PIEZO2: variants seen among roughly 807,000 people sequenced by gnomAD.
PIEZO2 encodes piezo-type mechanosensitive ion channel component 2.
In PIEZO2, 172 loss-of-function variants were observed where a neutral mutation model predicts 337.3. The observed-to-expected ratio is 0.51, with a 90% CI of 0.45 to 0.58. PIEZO2 has a LOEUF of 0.58. Ranked by LOEUF, PIEZO2 falls within the 20% of genes least tolerant of loss-of-function variation. The probability of loss-of-function intolerance (pLI) is 0.00; values close to 1 mark genes in which losing one functional copy is unlikely to be tolerated. For missense variants in PIEZO2, 3,028 were observed against 3,391.3 expected (o/e 0.89, Z 2.66); for synonymous variants, 1,251 against 1,228.5 (o/e 1.02, Z -0.38).
Position 10,736,598 on chromosome 18 carries a change from A to T in PIEZO2, c.4815+6T>A. ...CTAGCAAAGAAATGATTTTCCCCAT[A>T]ATTACCTGGAATGCTGACCTTCGTG... On this transcript the variant is annotated splice_donor_region_variant and intron_variant, in intron 34 of 55. Coordinates refer to ENST00000674853, the MANE Select transcript of PIEZO2 (RefSeq NM_001378183.1). 6.5e-7 allele frequency: 1 copy of T among 1,536,742 alleles called. No individual in the cohort carries two copies. Among genetic ancestry groups the T allele is most frequent in the East Asian group, 2.4e-5 (1 of 40,890 alleles).
chr18:10,987,511 A>C (rs1221612991), intron 2 of PIEZO2, among the ~76,000 whole-genome samples: 1 of 152,138 alleles, frequency 6.6e-6, no homozygotes, highest in Non-Finnish European at 1.5e-5. Flanking sequence ...TACCATGTAC[A>C]AAATAATAAA....
intron 36 of PIEZO2, chr18:10,725,586 C>A (rs1261585009): frequency 3.0e-6 from 4 of 1,350,586 alleles, no homozygotes; most frequent in Non-Finnish European, 2.0e-6. Flanking sequence ...GAGGTCGGGG[C>A]TTTCCCTTCC....
chr18:10,803,128 T>C (rs1425590908), intron 9 of PIEZO2, among the ~76,000 whole-genome samples: 1 of 152,182 alleles, frequency 6.6e-6, no homozygotes, highest in African/African-American at 2.4e-5. Flanking sequence ...TCTGCTACAT[T>C]AAAACCCATT....
Position 11,110,783 on chromosome 18 carries a change from G to A in PIEZO2, c.64+37742C>T, listed in dbSNP as rs1028756474. Among the ~76,000 whole-genome samples the A allele has an allele frequency of 1.4e-4, 22 of 151,892 alleles. No individual in the cohort carries two copies. Among genetic ancestry groups the A allele is most frequent in the African/African-American group, 4.1e-4 (17 of 41,302 alleles). ...GCAGGCAGCTCTGGCCCACGTGTGC[G>A]TTTCCTTTGGAACACACAGTATTGA... On this transcript the variant is annotated intron_variant, in intron 1 of 55. Transcript: ENST00000674853. This position sits in a 1 kb window ranked among gnomAD's most constrained non-coding sequence, Gnocchi z 4.2.
intron 1 of PIEZO2, among the ~76,000 whole-genome samples, chr18:11,088,086 T>C (rs1406829601): frequency 6.6e-6 from 1 of 152,244 alleles, no homozygotes; most frequent in East Asian, 1.9e-4. Context: ...TAGGCAGACC[T>C]CAATGTATAC....
chr18:10,986,705 G>A (rs192286727), intron 2 of PIEZO2, among the ~76,000 whole-genome samples: 6 of 152,056 alleles, frequency 3.9e-5, no homozygotes, highest in Admixed American at 1.3e-4. Flanking sequence ...CATAGTATGG[G>A]AAGTACTAAC....
chr18:10,855,474 A>G lies in PIEZO2; in HGVS notation c.796T>C (p.Leu266=). ...WWSWCRTFDP[L]LFSCLCVLLA... ...AGAACACAGAGACAGCTGAACAGCA[A>G]TGGGTCGAACGTCCGGCACCAGGAC... The change falls in exon 7 of 56, where the codon TTG becomes CTG. Residue 266 remains leucine, a synonymous_variant. Coordinates refer to ENST00000674853, the MANE Select transcript of PIEZO2 (RefSeq NM_001378183.1). This position sits in a 1 kb window ranked among gnomAD's most constrained non-coding sequence, Gnocchi z 4.9. The G allele has an allele frequency of 6.5e-7, 1 of 1,537,226 alleles. No homozygotes were observed. The highest frequency in any genetic ancestry group is 8.7e-7 in the Non-Finnish European group (1 of 1,146,894).
In PIEZO2 at chr18:10,797,485, A is replaced by T; in HGVS notation, c.1416T>A (p.Phe472Leu). 6.5e-7 allele frequency: 1 copy of T among 1,537,140 alleles called. No homozygotes were observed. Among genetic ancestry groups the T allele is most frequent in the Non-Finnish European group, 8.7e-7 (1 of 1,146,884 alleles). The change falls in exon 12 of 56, where the codon TTT becomes TTA. Residue 472 changes from phenylalanine to leucine, a missense_variant. Phe to Leu is a conservative substitution (Grantham distance 22). Coordinates refer to ENST00000674853, the MANE Select transcript of PIEZO2 (RefSeq NM_001378183.1). ...TTTCCTCACGGCTCCTTTCTTCTTC[A>T]AATTCTTCTTTCTCTTCCTCTTCCT... ...REEEEEEKEE[F>L]EEERSREEKR...
intron 4 of PIEZO2, among the ~76,000 whole-genome samples, chr18:10,876,198 A>T (rs1227045328): frequency 6.6e-6 from 1 of 152,230 alleles, no homozygotes; most frequent in African/African-American, 2.4e-5. Flanking sequence ...TTCCATTAAA[A>T]CAAAACAAAA....
intron 1 of PIEZO2, among the ~76,000 whole-genome samples, chr18:11,114,090 G>A (rs913707785): frequency 8.5e-5 from 13 of 152,144 alleles, no homozygotes; most frequent in African/African-American, 2.9e-4. Context: ...AAAACTATAT[G>A]CCTCTTATAA....
rs1209828091 is a variant in PIEZO2 at position 10,871,246 on chromosome 18, G to A, written c.492+7C>T. On this transcript the variant is annotated splice_region_variant and intron_variant, in intron 5 of 55. Coordinates refer to ENST00000674853, the MANE Select transcript of PIEZO2 (RefSeq NM_001378183.1). ...CAAAGAAGGAAGAGACATGGAGTTG[G>A]ATTTACCAATTCTTCATTTTCAAAC... 3.9e-6 allele frequency: 6 copies of A among 1,535,502 alleles called. No individual in the cohort carries two copies. The East Asian group carries it at 9.8e-5, about 25-fold the overall frequency.
At chr18:10,761,186 T>C in intron 23 of PIEZO2, 75 bp from the exon 24 acceptor site, 1 of 1,271,732 alleles carries the variant, frequency 7.9e-7, no homozygotes, top group African/African-American at 1.5e-5. Flanking sequence ...CCCCACATTC[T>C]GCACAGCTAC....
At chr18:10,674,980 C>T (rs1333476704) in intron 54 of PIEZO2, among the ~76,000 whole-genome samples, 4 of 152,102 alleles carry the variant, frequency 2.6e-5, no homozygotes, top group East Asian at 1.9e-4. Context: ...TGCGAATATA[C>T]GTCAATCAAG....
chr18:11,148,969 A>G lies in PIEZO2; in HGVS notation c.-381T>C, dbSNP rs1169940594. Reference sequence around the variant, plus strand: ...GGTCCTGGGAGGCGGCGCGGCGAGCAAAGGGGGCAAGAAGGGCGTGCTGTG... The same window carrying G: ...GGTCCTGGGAGGCGGCGCGGCGAGCGAAGGGGGCAAGAAGGGCGTGCTGTG... On this transcript the variant is annotated 5_prime_UTR_variant, in exon 1 of 56. Coordinates refer to ENST00000674853, the MANE Select transcript of PIEZO2 (RefSeq NM_001378183.1). The surrounding 1 kb of genome is among the most constrained non-coding windows in gnomAD (Gnocchi z 5.2). 6.7e-6 allele frequency among the ~76,000 whole-genome samples: 1 copy of G among 150,222 alleles called. No homozygotes were observed. Among genetic ancestry groups the G allele is most frequent in the Non-Finnish European group, 1.5e-5 (1 of 67,494 alleles).
chr18:10,794,911 G>T lies in PIEZO2; in HGVS notation c.1619C>A (p.Ala540Asp). Residue 540 changes from alanine to aspartate, a missense_variant, in exon 13 of 56, where the codon GCC becomes GAC. By Grantham distance (126) the Ala-to-Asp change is moderately radical (BLOSUM62 -2). This residue lies in a region of PIEZO2 where 50 missense variants were observed against 88.2 expected (regional missense o/e 0.57). Coordinates refer to ENST00000674853, the MANE Select transcript of PIEZO2 (RefSeq NM_001378183.1). This position sits in a 1 kb window ranked among gnomAD's most constrained non-coding sequence, Gnocchi z 6.6. ...CACCATGAAGGGAGAGCTGATCATG[G>T]CATATTTTCTTCTGTTGCGAATCAT... Reference protein sequence around the residue: ...LWMIRNRRKYAMISSPFMVVY... With the variant: ...LWMIRNRRKYDMISSPFMVVY... 6.5e-7 allele frequency: 1 copy of T among 1,542,324 alleles called. No homozygotes were observed.
intron 2 of PIEZO2, among the ~76,000 whole-genome samples, chr18:11,043,901 T>C (rs1330166884): frequency 1.3e-5 from 2 of 152,180 alleles, no homozygotes; most frequent in Non-Finnish European, 1.5e-5. Context: ...CATGAACTCC[T>C]GACCTCAGGT....
rs375406599 is a variant in PIEZO2 at position 10,929,280 on chromosome 18, C to T, written c.287-18052G>A. On this transcript the variant is annotated intron_variant, in intron 3 of 55. Coordinates refer to ENST00000674853, the MANE Select transcript of PIEZO2 (RefSeq NM_001378183.1). The surrounding 1 kb of genome is among the most constrained non-coding windows in gnomAD (Gnocchi z 5.6). Reference sequence around the variant, plus strand: ...ATTAAAAGTGTGAGCGAGCTGCAAACGTGCACGCATCATATGAAGGTGTTA... The same window carrying T: ...ATTAAAAGTGTGAGCGAGCTGCAAATGTGCACGCATCATATGAAGGTGTTA... Among the ~76,000 whole-genome samples the T allele has an allele frequency of 5.3e-5, 8 of 152,312 alleles. No individual in the cohort carries two copies. The East Asian group carries it at 1.4e-3, about 26-fold the overall frequency.
chr18:10,897,469 G>A (rs151210852), intron 4 of PIEZO2, among the ~76,000 whole-genome samples: 2,424 of 152,270 alleles, frequency 0.016, 30 homozygotes, highest in Non-Finnish European at 0.025. Flanking sequence ...GATTACAGGC[G>A]TGAGCCACCA....
chr18:10,957,406 C>CAAAA (rs36005894), intron 3 of PIEZO2, among the ~76,000 whole-genome samples: 65,043 of 144,514 alleles, frequency 0.45, 14,637 homozygotes, highest in Non-Finnish European at 0.49. Flanking sequence ...AACAAACCAA[C>CAAAA]AAAAAAAAAA....
Sources: allele counts gnomAD v4.1 joint callset (sites outside exome capture counted in the v4.1 genomes callset), GRCh38; gene constraint gnomAD v4.1.1; regional missense constraint gnomAD v4.1.1; non-coding constraint Gnocchi (gnomAD v3.1); transcripts MANE v1.5; gene names NCBI Gene and HGNC (gene_info 2026-07-23, HGNC 2026-07-21).